ERC1: variants seen among roughly 807,000 people sequenced by gnomAD.
ERC1 encodes the protein ELKS/RAB6-interacting/CAST family member 1, also known as RAB6 interacting protein 2.
Under a neutral mutation model 132.0 loss-of-function variants are expected in ERC1, and 56 were observed. The observed-to-expected ratio is 0.42, with a 90% CI of 0.34 to 0.53. The LOEUF (loss-of-function observed/expected upper bound fraction) is 0.53. ERC1 is among the 20% of genes least tolerant of loss of function. ERC1 has a pLI of 0.03. For missense variants in ERC1, 1,202 were observed against 1,349.9 expected (o/e 0.89, Z 1.72); for synonymous variants, 478 against 476.1 (o/e 1.00, Z -0.05).
At chr12:1,073,021 G>A (rs971996586) in intron 2 of ERC1, among the ~76,000 whole-genome samples, 1 of 151,982 alleles carries the variant, frequency 6.6e-6, no homozygotes, top group Non-Finnish European at 1.5e-5. Flanking sequence ...AAATTTTCAG[G>A]CCAGGTGCGG....
chr12:996,268 T>TA (rs1960857518), intron 1 of ERC1, among the ~76,000 whole-genome samples: 2 of 142,794 alleles, frequency 1.4e-5, no homozygotes, highest in African/African-American at 5.2e-5. Context: ...TTTTTTTTTT[T>TA]TTTTTTTGTA....
At chr12:1,436,069 G>C (rs2092938322) in intron 17 of ERC1, among the ~76,000 whole-genome samples, 1 of 152,068 alleles carries the variant, frequency 6.6e-6, no homozygotes, top group Non-Finnish European at 1.5e-5. Flanking sequence ...GTTGTGTTTG[G>C]TTTGACGCTA....
rs556905788 is a variant in ERC1 at position 1,479,247 on chromosome 12, G to A, written c.3214-10846G>A. Reference sequence around the variant, plus strand: ...TTGTATAGCTTTGTTCTTGGTGGCCGTCTTGGCTGTTCTGGGCTCTCTGCA... The same window carrying A: ...TTGTATAGCTTTGTTCTTGGTGGCCATCTTGGCTGTTCTGGGCTCTCTGCA... On this transcript the variant is annotated intron_variant, in intron 18 of 18. Transcript: ENST00000360905. 8.5e-5 allele frequency among the ~76,000 whole-genome samples: 13 copies of A among 152,250 alleles called. No homozygotes were observed. In the East Asian group the frequency reaches 1.4e-3, roughly 16 times the overall value.
chr12:1,216,687 C>A (rs1282022578), intron 12 of ERC1, among the ~76,000 whole-genome samples: 6 of 151,810 alleles, frequency 4.0e-5, no homozygotes, highest in Non-Finnish European at 8.8e-5. Flanking sequence ...AAGAGTGAAA[C>A]AAGTTAATAG....
At chr12:1,030,587 G>T (rs1445200545) in intron 2 of ERC1, among the ~76,000 whole-genome samples, 2 of 152,144 alleles carry the variant, frequency 1.3e-5, no homozygotes, top group African/African-American at 4.8e-5. Context: ...AATTAGCAGG[G>T]TTTTGTGATG....
At chr12:1,487,740 A>G (rs2094250263) in intron 18 of ERC1, among the ~76,000 whole-genome samples, 1 of 139,962 alleles carries the variant, frequency 7.1e-6, no homozygotes. Flanking sequence ...AGAGAGAGAG[A>G]GGAGAAGGGT....
Position 1,493,540 on chromosome 12 carries a change from A to ATATATATATAT in ERC1, c.*3310_*3311insTATATATATAT, listed in dbSNP as rs59708005. ...TGACAGAGACTCCATTTAAAAAAAAAAAAAAAAAATATATATATATATATA... is the reference window on the plus strand; with the variant it reads ...TGACAGAGACTCCATTTAAAAAAAAATATATATATATAAAAAAAAATATATATATATATATA... On this transcript the variant is annotated 3_prime_UTR_variant, in exon 19 of 19. Transcript: ENST00000360905. The ATATATATATAT allele has an allele frequency of 2.2e-4, 5 of 22,384 alleles. No individual in the cohort carries two copies. Among genetic ancestry groups the ATATATATATAT allele is most frequent in the East Asian group, 1.7e-3 (1 of 602 alleles). The allele number at this position is 22,384 out of a possible 1,614,324, so 1.4% of individuals were successfully genotyped here.
Position 1,040,237 on chromosome 12 carries a change from A to G in ERC1, c.669+11665A>G, listed in dbSNP as rs1260302308. Among the ~76,000 whole-genome samples the G allele has an allele frequency of 3.3e-5, 5 of 152,306 alleles. No homozygotes were observed. The East Asian group carries it at 9.6e-4, about 29-fold the overall frequency. ...ATGTTCTTTTCTTCCCTTATGGACA[A>G]GATTAGAAATGCTTTTATGAACTGT... On this transcript the variant is annotated intron_variant, in intron 2 of 18. Transcript: ENST00000360905.
In ERC1 at chr12:1,371,992, C is replaced by G; in HGVS notation, c.2925+15C>G. 1 of 1,612,272 alleles carries G rather than the reference C, an allele frequency of 6.2e-7. No homozygotes were observed. The highest frequency in any genetic ancestry group is 8.5e-7 in the Non-Finnish European group (1 of 1,179,620). ...TTAAGCAGCAGGTATTATTAAATGC[C>G]AGCAGGAGGGTCAGTGGGGCCAGCT... On this transcript the variant is annotated intron_variant, in intron 16 of 18. Transcript: ENST00000360905.
At chr12:1,284,509 C>G (rs770046292) in intron 14 of ERC1, among the ~76,000 whole-genome samples, 1 of 152,106 alleles carries the variant, frequency 6.6e-6, no homozygotes, top group African/African-American at 2.4e-5. Flanking sequence ...TTTAAGGAAA[C>G]ACCATACTAT....
chr12:1,031,211 T>C (rs1592809087), intron 2 of ERC1, among the ~76,000 whole-genome samples: 1 of 152,200 alleles, frequency 6.6e-6, no homozygotes, highest in South Asian at 2.1e-4. Context: ...AGCATAGATA[T>C]GAAAGCAAAA....
intron 2 of ERC1, among the ~76,000 whole-genome samples, chr12:1,058,447 G>A (rs1273619239): frequency 3.9e-5 from 6 of 152,184 alleles, no homozygotes; most frequent in Non-Finnish European, 8.8e-5. Context: ...CTATTGAAGA[G>A]GGCGTCCTTT....
intron 12 of ERC1, among the ~76,000 whole-genome samples, chr12:1,217,612 A>G (rs528843343): frequency 2.8e-4 from 42 of 152,258 alleles, no homozygotes; most frequent in African/African-American, 9.6e-4. Context: ...GAAAGATACA[A>G]TTCAGCTCTG....
At chr12:1,268,181 C>T (rs1041269636) in intron 14 of ERC1, among the ~76,000 whole-genome samples, 19 of 152,154 alleles carry the variant, frequency 1.2e-4, no homozygotes, top group Admixed American at 5.2e-4. Context: ...TGTATTCCTT[C>T]GTCTTTCTTA....
intron 18 of ERC1, among the ~76,000 whole-genome samples, chr12:1,467,861 G>C (rs1439312495): frequency 6.6e-6 from 1 of 152,204 alleles, no homozygotes; most frequent in Non-Finnish European, 1.5e-5. Flanking sequence ...CGCGTGCGTG[G>C]TTCACAATAG....
intron 17 of ERC1, among the ~76,000 whole-genome samples, chr12:1,418,625 T>TC (rs2092266493): frequency 2.6e-5 from 3 of 114,782 alleles, no homozygotes; most frequent in African/African-American, 1.5e-4. Context: ...CTTTCTTTCT[T>TC]TCTTTCTTTC....
At chr12:1,358,746 CAT>C (rs1305264897) in intron 15 of ERC1, among the ~76,000 whole-genome samples, 1 of 152,188 alleles carries the variant, frequency 6.6e-6, no homozygotes, top group Admixed American at 6.5e-5. Flanking sequence ...GCTTCCCGCT[CAT>C]AGACTGAATT....
chr12:1,184,026 C>T (rs575818910), intron 11 of ERC1, among the ~76,000 whole-genome samples: 1 of 151,850 alleles, frequency 6.6e-6, no homozygotes, highest in South Asian at 2.1e-4. Context: ...ATCCTAGCTA[C>T]TCAGGAGGCT....
In ERC1 at chr12:1,428,369, T is replaced by C. The variant is rs1014183863; in HGVS notation, c.3025-16193T>C. Among the ~76,000 whole-genome samples, 7 of 152,210 alleles carry C rather than the reference T, an allele frequency of 4.6e-5. 1 individual carries two copies. Among genetic ancestry groups the C allele is most frequent in the African/African-American group, 1.7e-4 (7 of 41,446 alleles). ...ATGTTATTTACAGTTTTCTGCAGTG[T>C]AGTAGCTATTTTTAATCTTTTGGTT... On this transcript the variant is annotated intron_variant, in intron 17 of 18. Coordinates refer to ENST00000360905, the MANE Select transcript of ERC1 (RefSeq NM_178040.4).
Sources: gnomAD v4.1 joint callset for allele counts (sites outside exome capture counted in the v4.1 genomes callset) on GRCh38, gnomAD v4.1.1 for gene constraint, MANE v1.5 for transcripts, NCBI Gene and HGNC (gene_info 2026-07-23, HGNC 2026-07-21) for gene names.